The following AK5 variants were observed in gnomAD, a reference collection of about 807,000 sequenced individuals.
AK5 encodes the protein adenylate kinase 5.
A neutral mutation model predicts 69.5 loss-of-function variants in AK5; 27 were observed. The observed-to-expected ratio is 0.39, with a 90% CI of 0.29 to 0.54. The LOEUF (loss-of-function observed/expected upper bound fraction) is 0.54, where lower values mean the gene tolerates loss of function less well. Among genes scored for constraint, AK5 ranks in the 20% least tolerant of loss-of-function variants. The pLI, the probability that AK5 is intolerant of heterozygous loss-of-function variation, is 0.71. For synonymous variants in AK5, 260 were observed against 244.4 expected (o/e 1.06, Z -0.60); for missense variants, 531 against 700.4 (o/e 0.76, Z 2.73).
chr1:77,411,447 G>A (rs552025192), intron 7 of AK5, among the ~76,000 whole-genome samples: 1 of 152,102 alleles, frequency 6.6e-6, no homozygotes, highest in African/African-American at 2.4e-5. Flanking sequence ...CTGGATAAAA[G>A]CATCCCCTCC....
At chr1:77,462,795 C>A (rs930518770) in intron 8 of AK5, among the ~76,000 whole-genome samples, 2 of 152,022 alleles carry the variant, frequency 1.3e-5, no homozygotes, top group Non-Finnish European at 2.9e-5. Flanking sequence ...ACAATAAAAC[C>A]GAGTTTGTTG....
chr1:77,508,058 G>A (rs1224548189), intron 10 of AK5, among the ~76,000 whole-genome samples: 1 of 152,118 alleles, frequency 6.6e-6, no homozygotes, highest in Non-Finnish European at 1.5e-5. Context: ...CTGCTCATTG[G>A]AGCATTTGGG....
rs148188686 is a variant in AK5, at chr1:77,327,647, G to A, written c.700-12730G>A. Among the ~76,000 whole-genome samples the A allele has an allele frequency of 5.4e-3, 825 of 152,316 alleles. 9 individuals carry two copies. Among genetic ancestry groups the A allele is most frequent in the African/African-American group, 0.019 (783 of 41,564 alleles). ...GGCAGGCATAGCTCACCCCACAGGT[G>A]TAGAAACAGCTGATGTATTTTTTAA... On this transcript the variant is annotated intron_variant, in intron 5 of 13. Transcript: ENST00000354567.
At chr1:77,432,866 A>C (rs72932438) in intron 8 of AK5, among the ~76,000 whole-genome samples, 2 of 152,228 alleles carry the variant, frequency 1.3e-5, no homozygotes, top group African/African-American at 4.8e-5. Flanking sequence ...AAAGGTAAGC[A>C]TAAGAAAGGA....
chr1:77,299,886 T>C (rs1659236655), intron 5 of AK5, among the ~76,000 whole-genome samples: 1 of 152,204 alleles, frequency 6.6e-6, no homozygotes, highest in African/African-American at 2.4e-5. Flanking sequence ...TGAATATCTT[T>C]CTTTTTTGTT....
intron 6 of AK5, among the ~76,000 whole-genome samples, chr1:77,357,844 A>G (rs1375871508): frequency 1.3e-5 from 2 of 152,204 alleles, no homozygotes; most frequent in African/African-American, 4.8e-5. Flanking sequence ...ACTTTTCAAC[A>G]TTGGCAAGCG....
intron 5 of AK5, among the ~76,000 whole-genome samples, chr1:77,309,224 G>A (rs761590024): frequency 1.3e-5 from 2 of 151,868 alleles, no homozygotes; most frequent in South Asian, 4.2e-4. Context: ...CATCCTGCAC[G>A]TGTCCTGGAA....
rs573315284 is a variant in AK5, at chr1:77,304,275, T to A, written c.699+6328T>A. Among the ~76,000 whole-genome samples, 8 of 152,344 alleles carry A rather than the reference T, an allele frequency of 5.3e-5. No individual in the cohort carries two copies. The East Asian group carries it at 1.5e-3, about 29-fold the overall frequency. ...ACAAATAAGTGAGAACATGTGATGT[T>A]TGTCTTTCTATGCCTGTCTTATTTT... On this transcript the variant is annotated intron_variant, in intron 5 of 13. Transcript: ENST00000354567.
chr1:77,526,538 C>T (rs1019946484), intron 12 of AK5, among the ~76,000 whole-genome samples: 2 of 125,908 alleles, frequency 1.6e-5, no homozygotes, highest in African/African-American at 3.1e-5. Context: ...TGCCGTGGTG[C>T]GATCTTGGCT....
intron 8 of AK5, among the ~76,000 whole-genome samples, chr1:77,476,131 C>T (rs1287703151): frequency 2.6e-5 from 4 of 152,276 alleles, no homozygotes; most frequent in African/African-American, 2.4e-5. Context: ...GCATCTACCA[C>T]ATTTTTTTCA....
chr1:77,541,309 A>G (rs1208390633), intron 13 of AK5, among the ~76,000 whole-genome samples: 3 of 152,180 alleles, frequency 2.0e-5, no homozygotes, highest in African/African-American at 7.2e-5. Context: ...CTGTGGTCAC[A>G]GCCACTCAGG....
intron 5 of AK5, among the ~76,000 whole-genome samples, chr1:77,307,520 T>TA (rs1266471681): frequency 6.6e-6 from 1 of 152,218 alleles, no homozygotes; most frequent in Non-Finnish European, 1.5e-5. Context: ...TTTTGTGACC[T>TA]AAAATATTGT....
At chr1:77,453,106 A>G (rs924731217) in intron 8 of AK5, among the ~76,000 whole-genome samples, 1 of 152,218 alleles carries the variant, frequency 6.6e-6, no homozygotes, top group African/African-American at 2.4e-5. Context: ...CTCTTTAGTC[A>G]CATTCCTCTG....
At chr1:77,309,131 G>A (rs531314309) in intron 5 of AK5, among the ~76,000 whole-genome samples, 1 of 151,978 alleles carries the variant, frequency 6.6e-6, no homozygotes, top group Non-Finnish European at 1.5e-5. Context: ...TGCATGTGGG[G>A]CTTAATACCT....
chr1:77,290,138 A>ATTCT, intron 2 of AK5, among the ~76,000 whole-genome samples: 1 of 152,234 alleles, frequency 6.6e-6, no homozygotes, highest in South Asian at 2.1e-4. Flanking sequence ...AACTTTTCGT[A>ATTCT]TACCTATGGT....
chr1:77,467,451 A>G (rs900508015), intron 8 of AK5, among the ~76,000 whole-genome samples: 3 of 151,584 alleles, frequency 2.0e-5, no homozygotes, highest in Admixed American at 2.0e-4. Flanking sequence ...CGGAAATCCA[A>G]GGCTGATGAT....
intron 6 of AK5, among the ~76,000 whole-genome samples, chr1:77,376,273 C>G (rs1570466118): frequency 6.6e-6 from 1 of 152,020 alleles, no homozygotes; most frequent in East Asian, 1.9e-4. Flanking sequence ...TCCCTCTCTC[C>G]ATCATTCTCC....
At chr1:77,402,744 C>T (rs1248394134) in intron 6 of AK5, among the ~76,000 whole-genome samples, 9 of 151,458 alleles carry the variant, frequency 5.9e-5, no homozygotes, top group Admixed American at 3.9e-4. Flanking sequence ...TGAATAGTGC[C>T]GCAATAAACA....
At chr1:77,476,499 G>A (rs1654943550) in intron 8 of AK5, among the ~76,000 whole-genome samples, 1 of 152,150 alleles carries the variant, frequency 6.6e-6, no homozygotes, top group Admixed American at 6.5e-5. Context: ...CATTGGTTTA[G>A]CATGATCCAG....
Sources: allele counts gnomAD v4.1 joint callset (sites outside exome capture counted in the v4.1 genomes callset), GRCh38; gene constraint gnomAD v4.1.1; transcripts MANE v1.5; gene names NCBI Gene and HGNC (gene_info 2026-07-23, HGNC 2026-07-21).